The following MACROD2 variants were observed in gnomAD, a reference collection of about 807,000 sequenced individuals.
MACROD2 encodes the protein mono-ADP ribosylhydrolase 2.
A neutral mutation model predicts 70.4 loss-of-function variants in MACROD2; 36 were observed. The observed-to-expected ratio is 0.51, with a 90% confidence interval of 0.39 to 0.68. MACROD2 has a LOEUF of 0.68. Ranked by LOEUF, MACROD2 falls within the 30% of genes least tolerant of loss-of-function variation. The probability of loss-of-function intolerance (pLI) is 0.00; values close to 1 mark genes in which losing one functional copy is unlikely to be tolerated. For missense variants in MACROD2, 496 were observed against 538.4 expected, an observed-to-expected ratio of 0.92 and a Z score of 0.78; for synonymous variants, 172 against 178.8, an observed-to-expected ratio of 0.96 and a Z score of 0.30.
At chr20:14,639,460 T>C (rs1398216521) in intron 4 of MACROD2, among the ~76,000 whole-genome samples, 1 of 152,178 alleles carries the variant, frequency 6.6e-6, no homozygotes, top group Non-Finnish European at 1.5e-5. Flanking sequence ...AGGGAAATTC[T>C]TTTAATTAAT....
chr20:15,843,208 G>C (rs1411518895), intron 8 of MACROD2, among the ~76,000 whole-genome samples: 1 of 152,162 alleles, frequency 6.6e-6, no homozygotes, highest in East Asian at 1.9e-4. Context: ...GTTATTATAT[G>C]CATTTATCAT....
chr20:14,752,109 G>A (rs2071880477), intron 5 of MACROD2, among the ~76,000 whole-genome samples: 2 of 142,556 alleles, frequency 1.4e-5, no homozygotes, highest in Non-Finnish European at 3.0e-5. Context: ...TTTTAATATG[G>A]CCTCTCTACT....
intron 3 of MACROD2, among the ~76,000 whole-genome samples, chr20:14,447,943 G>T (rs1342368863): frequency 6.7e-6 from 1 of 149,752 alleles, no homozygotes; most frequent in East Asian, 2.0e-4. Flanking sequence ...AATCAAAAGA[G>T]GACAGTAGAA....
At chr20:15,363,042 A>C (rs2078371685) in intron 6 of MACROD2, among the ~76,000 whole-genome samples, 1 of 152,122 alleles carries the variant, frequency 6.6e-6, no homozygotes, top group Admixed American at 6.6e-5. Context: ...GAAGCCCCTT[A>C]GGAATTCATG....
chr20:15,712,222 G>T (rs1242328384), intron 8 of MACROD2, among the ~76,000 whole-genome samples: 1 of 152,180 alleles, frequency 6.6e-6, no homozygotes, highest in Non-Finnish European at 1.5e-5. Context: ...TAAGCTTTGT[G>T]GGTTGTACTG....
intron 6 of MACROD2, among the ~76,000 whole-genome samples, chr20:15,427,043 A>G (rs1278095745): frequency 6.6e-6 from 1 of 152,098 alleles, no homozygotes; most frequent in East Asian, 1.9e-4. Context: ...TCTCTGAGTA[A>G]TAAAAAATGA....
At chr20:16,009,080 T>A (rs886440450) in intron 15 of MACROD2, among the ~76,000 whole-genome samples, 11 of 151,956 alleles carry the variant, frequency 7.2e-5, no homozygotes, top group African/African-American at 2.7e-4. Context: ...TGAGAGTGCA[T>A]CTGTCAGAGC....
intron 3 of MACROD2, among the ~76,000 whole-genome samples, chr20:14,368,880 G>T (rs967845091): frequency 6.6e-6 from 1 of 152,138 alleles, no homozygotes; most frequent in Non-Finnish European, 1.5e-5. Context: ...TTACAGATTG[G>T]ATCTTTGCTG....
rs145929590 is a variant in MACROD2 at position 15,919,639 on chromosome 20, G to A, written c.776-13637G>A. Among the ~76,000 whole-genome samples the A allele has an allele frequency of 4.3e-3, 651 of 152,304 alleles. 5 individuals are homozygous for A. The highest frequency in any genetic ancestry group is 0.015 in the African/African-American group (605 of 41,554). ...AATCCCAGCTACTCGGGAGGCCGAG[G>A]CAGGAGAATTGCATGAACCTGGGAG... On this transcript the variant is annotated intron_variant, in intron 10 of 17. Coordinates refer to ENST00000684519, the MANE Select transcript of MACROD2 (RefSeq NM_001351661.2).
chr20:14,520,923 A>T (rs1463680939), intron 4 of MACROD2, among the ~76,000 whole-genome samples: 5 of 150,910 alleles, frequency 3.3e-5, no homozygotes. Flanking sequence ...ACACAGACAC[A>T]GATACACACA....
chr20:15,305,042 A>G (rs1419570507), intron 6 of MACROD2, among the ~76,000 whole-genome samples: 1 of 152,218 alleles, frequency 6.6e-6, no homozygotes, highest in Non-Finnish European at 1.5e-5. Flanking sequence ...CATCCTTGCT[A>G]TAGCCCCCAC....
intron 15 of MACROD2, among the ~76,000 whole-genome samples, chr20:16,039,925 T>C (rs948420005): frequency 2.0e-5 from 3 of 151,870 alleles, no homozygotes; most frequent in South Asian, 2.1e-4. Context: ...AGTTCTTTCA[T>C]CTACTTTCAT....
At chr20:15,870,946 A>ATGGATTG (rs2064571909) in intron 9 of MACROD2, among the ~76,000 whole-genome samples, 1 of 152,242 alleles carries the variant, frequency 6.6e-6, no homozygotes, top group Admixed American at 6.5e-5. Flanking sequence ...TGGGATGCTG[A>ATGGATTG]GGTGGGTGGA....
At chr20:15,216,153 G>A (rs2076808230) in intron 5 of MACROD2, among the ~76,000 whole-genome samples, 1 of 152,034 alleles carries the variant, frequency 6.6e-6, no homozygotes, top group Admixed American at 6.6e-5. Context: ...AGGAACTATA[G>A]TCAATAATAA....
intron 3 of MACROD2, among the ~76,000 whole-genome samples, chr20:14,392,599 TA>T (rs1419739802): frequency 2.6e-5 from 4 of 152,312 alleles, no homozygotes; most frequent in African/African-American, 9.6e-5. Flanking sequence ...TAAAGTTACT[TA>T]AAAATATAAT....
At chr20:15,362,639 A>G (rs1313447819) in intron 6 of MACROD2, among the ~76,000 whole-genome samples, 1 of 152,142 alleles carries the variant, frequency 6.6e-6, no homozygotes, top group African/African-American at 2.4e-5. Flanking sequence ...TATTCAATTC[A>G]TTATTAGAAA....
intron 5 of MACROD2, among the ~76,000 whole-genome samples, chr20:14,986,115 G>T (rs558585237): frequency 2.0e-5 from 3 of 152,152 alleles, no homozygotes; most frequent in Non-Finnish European, 4.4e-5. Context: ...CAGCTGTTGG[G>T]TTATTCCTGG....
At position 15,023,489 on chromosome 20, in the gene MACROD2, G is replaced by A. The variant is rs886281557; in HGVS notation, c.419-206451G>A. ...GCATCACCCCCTGTTGATGACCCAA[G>A]GTATTAGTCTGTTCTCACACTGCTA... is the stretch of plus-strand genomic sequence containing the variant. On this transcript the variant is annotated intron_variant, in intron 5 of 17. Transcript: ENST00000684519. Among the ~76,000 whole-genome samples the A allele has an allele frequency of 2.6e-5, 4 of 152,050 alleles. No individual in the cohort carries two copies. The East Asian group carries it at 7.7e-4, about 29-fold the overall frequency.
At chr20:15,312,260 G>A (rs977489260) in intron 6 of MACROD2, among the ~76,000 whole-genome samples, 1 of 152,126 alleles carries the variant, frequency 6.6e-6, no homozygotes, top group African/African-American at 2.4e-5. Context: ...ATTGAACACT[G>A]GATATTTGAC....
Sources: allele counts gnomAD v4.1 joint callset (sites outside exome capture counted in the v4.1 genomes callset), GRCh38; gene constraint gnomAD v4.1.1; transcripts MANE v1.5; gene names NCBI Gene and HGNC (gene_info 2026-07-23, HGNC 2026-07-21).